Variants in IGSF5 observed in about 807,000 individuals in gnomAD.
IGSF5 encodes the protein immunoglobulin superfamily 5 like.
A neutral mutation model predicts 39.4 loss-of-function variants in IGSF5; 41 were observed. The ratio of observed to expected loss-of-function variants is 1.04; its 90% CI spans 0.81 to 1.35. The LOEUF (loss-of-function observed/expected upper bound fraction) is 1.35, where lower values mean the gene tolerates loss of function less well. Among genes scored for constraint, IGSF5 ranks in the 40% most tolerant of loss-of-function variants. The pLI, the probability that IGSF5 is intolerant of heterozygous loss-of-function variation, is 0.00. For missense variants in IGSF5, 487 were observed against 494.6 expected (o/e 0.98, Z 0.15); for synonymous variants, 183 against 175.3 (o/e 1.04, Z -0.34).
intron 6 of IGSF5, among the ~76,000 whole-genome samples, chr21:39,789,201 C>G (rs184535864): frequency 1.3e-5 from 2 of 152,284 alleles, no homozygotes; most frequent in Non-Finnish European, 2.9e-5. Context: ...CCAACATCTT[C>G]CATTTCTGTT....
At chr21:39,793,112 T>C (rs2086975206) in intron 7 of IGSF5, among the ~76,000 whole-genome samples, 1 of 152,216 alleles carries the variant, frequency 6.6e-6, no homozygotes, top group Non-Finnish European at 1.5e-5. Flanking sequence ...TTTGATAATC[T>C]GACCACAGCT....
At chr21:39,767,504 C>A (rs1032486199) in intron 3 of IGSF5, among the ~76,000 whole-genome samples, 1 of 152,134 alleles carries the variant, frequency 6.6e-6, no homozygotes, top group African/African-American at 2.4e-5. Flanking sequence ...GTCCTAGTGT[C>A]CTCATCATAG....
At chr21:39,736,312 A>T in the IGSF5 span, among the ~76,000 whole-genome samples, 1 of 152,238 alleles carries the variant, frequency 6.6e-6, no homozygotes, top group African/African-American at 2.4e-5. Flanking sequence ...TTTAAATTAC[A>T]ACATGAATAT....
the IGSF5 span, among the ~76,000 whole-genome samples, chr21:39,720,661 G>A: frequency 6.6e-6 from 1 of 152,232 alleles, no homozygotes; most frequent in African/African-American, 2.4e-5. Flanking sequence ...TGTCCTGGAT[G>A]GAATTCAAGA....
chr21:39,792,126 A>T, intron 7 of IGSF5, 27 bp downstream of exon 7: 1 of 1,498,732 alleles, frequency 6.7e-7, no homozygotes, highest in Non-Finnish European at 9.2e-7. Flanking sequence ...GGTGGTGAAA[A>T]GACCTGGGAA....
intron 2 of IGSF5, among the ~76,000 whole-genome samples, chr21:39,755,879 G>A (rs1220985041): frequency 3.3e-5 from 5 of 152,002 alleles, no homozygotes; most frequent in Non-Finnish European, 7.4e-5. Flanking sequence ...CAAAGCAGGC[G>A]GATCACCTGA....
At chr21:39,770,065 AT>A (rs11349420) in intron 3 of IGSF5, among the ~76,000 whole-genome samples, 152,326 of 152,326 alleles carry the variant, frequency 1, 76,163 homozygotes, top group Non-Finnish European at 1. Context: ...AAATTTTTTC[AT>A]TTCTTAGTTC....
At chr21:39,714,803 A>G in the IGSF5 span, among the ~76,000 whole-genome samples, 1 of 152,362 alleles carries the variant, frequency 6.6e-6, no homozygotes, top group South Asian at 2.1e-4. Context: ...TACATCTGCA[A>G]TGACCCTTTT....
At chr21:39,750,662 C>G (rs998287477) in intron 2 of IGSF5, among the ~76,000 whole-genome samples, 3 of 152,188 alleles carry the variant, frequency 2.0e-5, no homozygotes, top group Admixed American at 6.5e-5. Flanking sequence ...GCCCTATCCA[C>G]CAGTCCTCCA....
chr21:39,754,055 T>C lies in IGSF5; in HGVS notation c.100+7757T>C, dbSNP rs530460171. 1.1e-4 allele frequency among the ~76,000 whole-genome samples: 17 copies of C among 152,348 alleles called. No individual in the cohort carries two copies. The South Asian group carries it at 3.5e-3, about 32-fold the overall frequency. ...ATGTTAGTTGTTACCTAGATACTTC[T>C]ATTTTTAATTGTGTTATTGTTTTAT... On this transcript the variant is annotated intron_variant, in intron 2 of 8. Coordinates refer to ENST00000380588, the MANE Select transcript of IGSF5 (RefSeq NM_001080444.2).
chr21:39,734,160 C>T, the IGSF5 span, among the ~76,000 whole-genome samples: 7 of 152,188 alleles, frequency 4.6e-5, no homozygotes, highest in African/African-American at 1.7e-4. Context: ...TGCAGTGGCT[C>T]ACGCCTGTAA....
At chr21:39,750,972 C>A (rs1051171109) in intron 2 of IGSF5, among the ~76,000 whole-genome samples, 2 of 152,280 alleles carry the variant, frequency 1.3e-5, no homozygotes, top group African/African-American at 4.8e-5. Flanking sequence ...GGAGTGGAGG[C>A]CGGAGTGGAG....
upstream of IGSF5, among the ~76,000 whole-genome samples, chr21:39,745,159 CTCTCTCTCTCTCTCTCCA>C (rs372438921): frequency 4.5e-4 from 68 of 150,632 alleles, no homozygotes; most frequent in African/African-American, 1.6e-3. Context: ...CTCTCTTCAT[CTCTCTCTCTCTCTCTCCA>C]TCTCTCTCTC....
chr21:39,720,752 T>C, the IGSF5 span, among the ~76,000 whole-genome samples: 1 of 152,194 alleles, frequency 6.6e-6, no homozygotes, highest in African/African-American at 2.4e-5. Flanking sequence ...TGTGTCAATA[T>C]TGGTTCTCAT....
chr21:39,778,606 C>T (rs1037979808), intron 4 of IGSF5, among the ~76,000 whole-genome samples: 4 of 152,166 alleles, frequency 2.6e-5, no homozygotes, highest in Admixed American at 6.5e-5. Flanking sequence ...CACCTAAGTT[C>T]CTTTAGAAGT....
At chr21:39,715,879 A>G in the IGSF5 span, among the ~76,000 whole-genome samples, 28 of 144,012 alleles carry the variant, frequency 1.9e-4, no homozygotes, top group African/African-American at 6.5e-4. Context: ...ATCAAATGAA[A>G]TGTGGGTGTG....
At chr21:39,788,489 CTG>C (rs889867582) in intron 6 of IGSF5, among the ~76,000 whole-genome samples, 2 of 152,224 alleles carry the variant, frequency 1.3e-5, no homozygotes, top group Non-Finnish European at 2.9e-5. Flanking sequence ...CAAGAGGACA[CTG>C]TGCACCATGA....
intron 2 of IGSF5, among the ~76,000 whole-genome samples, chr21:39,759,194 G>C (rs891430676): frequency 6.6e-6 from 1 of 152,250 alleles, no homozygotes; most frequent in Non-Finnish European, 1.5e-5. Context: ...GGCAGTATCA[G>C]AGTGTGTTGC....
chr21:39,744,434 C>T (rs1450004324), upstream of IGSF5, among the ~76,000 whole-genome samples: 2 of 152,254 alleles, frequency 1.3e-5, no homozygotes, highest in Non-Finnish European at 2.9e-5. Flanking sequence ...GTGCAAACAG[C>T]TCGCACATTT....
Sources: gnomAD v4.1 joint callset for allele counts (sites outside exome capture counted in the v4.1 genomes callset) on GRCh38, gnomAD v4.1.1 for gene constraint, MANE v1.5 for transcripts, NCBI Gene and HGNC (gene_info 2026-07-23, HGNC 2026-07-21) for gene names.